DENND11: variants seen among roughly 807,000 people sequenced by gnomAD.
DENND11 encodes DENN domain-containing protein 11.
In DENND11, 34 loss-of-function variants were observed where a neutral mutation model predicts 49.2. The ratio of observed to expected loss-of-function variants is 0.69; its 90% CI spans 0.53 to 0.92. The LOEUF is 0.92. Ranked by LOEUF, DENND11 falls within the 40% of genes least tolerant of loss-of-function variation. DENND11 has a pLI of 0.00. For missense variants in DENND11, 475 were observed against 581.6 expected, an observed-to-expected ratio of 0.82 and a Z score of 1.88; for synonymous variants, 238 against 230.3, an observed-to-expected ratio of 1.03 and a Z score of -0.30.
At chr7:141,677,070 C>T (rs1295895007) in intron 3 of DENND11, among the ~76,000 whole-genome samples, 1 of 152,152 alleles carries the variant, frequency 6.6e-6, no homozygotes, top group East Asian at 1.9e-4. Flanking sequence ...AATTCATCCA[C>T]GATCAGAATC....
At chr7:141,669,649 G>C (rs942896563) in intron 4 of DENND11, among the ~76,000 whole-genome samples, 1 of 151,722 alleles carries the variant, frequency 6.6e-6, no homozygotes, top group South Asian at 2.1e-4. Context: ...TCAATAAAAA[G>C]CTTAAAGATA....
chr7:141,668,179 G>C (rs929762940), intron 4 of DENND11, among the ~76,000 whole-genome samples: 1 of 152,178 alleles, frequency 6.6e-6, no homozygotes, highest in Non-Finnish European at 1.5e-5. Flanking sequence ...GCCTGACAGA[G>C]CCATGATGGG....
intron 1 of DENND11, among the ~76,000 whole-genome samples, chr7:141,692,994 A>T (rs956412705): frequency 1.3e-5 from 2 of 152,250 alleles, no homozygotes; most frequent in Non-Finnish European, 2.9e-5. Flanking sequence ...CAATTCATGA[A>T]GGAAAAATGG....
At chr7:141,679,194 GTCTCT>G (rs1014503227) in intron 3 of DENND11, among the ~76,000 whole-genome samples, 4 of 152,118 alleles carry the variant, frequency 2.6e-5, no homozygotes, top group Non-Finnish European at 5.9e-5. Flanking sequence ...TGTCATACAA[GTCTCT>G]TCTCTTATGT....
intron 3 of DENND11, among the ~76,000 whole-genome samples, chr7:141,677,704 T>C (rs1293746472): frequency 6.6e-6 from 1 of 151,670 alleles, no homozygotes; most frequent in Non-Finnish European, 1.5e-5. Flanking sequence ...ATGATTCTCC[T>C]TCTCGGAGTG....
chr7:141,672,535 T>G (rs922192218), intron 4 of DENND11, among the ~76,000 whole-genome samples: 2 of 152,136 alleles, frequency 1.3e-5, no homozygotes, highest in African/African-American at 4.8e-5. Context: ...CCTCAAGAAA[T>G]TCGATCCTGC....
At position 141,662,803 on chromosome 7, in the gene DENND11, C is replaced by T; in HGVS notation, c.1221G>A (p.Val407=). The T allele has an allele frequency of 6.3e-7, 1 of 1,594,616 alleles. No individual in the cohort carries two copies. The highest frequency in any genetic ancestry group is 8.5e-7 in the Non-Finnish European group (1 of 1,170,014). Residue 407 remains valine, a synonymous_variant, in exon 9 of 9, where the codon GTG becomes GTA. Coordinates refer to ENST00000536163, the MANE Select transcript of DENND11 (RefSeq NM_001080392.2). ...TCAGAGTTTTGTCTTGACTGGCAGA[C>T]ACCTCCAACAAAGTCTGAAATATCC... ...NNRIFQTLLE[V]SASQDKTLTA... is the part of the protein sequence containing the mutation.
chr7:141,683,721 A>G (rs1798185690), intron 3 of DENND11, among the ~76,000 whole-genome samples: 1 of 152,198 alleles, frequency 6.6e-6, no homozygotes, highest in Admixed American at 6.5e-5. Flanking sequence ...GACAGACTCT[A>G]TAGGTATCTG....
intron 4 of DENND11, among the ~76,000 whole-genome samples, chr7:141,670,507 G>A (rs1797964719): frequency 6.6e-6 from 1 of 152,158 alleles, no homozygotes; most frequent in Admixed American, 6.5e-5. Context: ...CATTGTATGA[G>A]GTATTATAAG....
rs376094683 is a variant in DENND11, at chr7:141,681,287, G to A, written c.527+4191C>T. 9.5e-4 allele frequency among the ~76,000 whole-genome samples: 144 copies of A among 152,236 alleles called. 1 individual carries two copies. The highest frequency in any genetic ancestry group is 5.8e-4 in the East Asian group (3 of 5,180). ...AACTGGCTGGTTTGCAAGGAAAAAC[G>A]GAATAAAATACAGCCTACTAAGGGT... On this transcript the variant is annotated intron_variant, in intron 3 of 8. Coordinates refer to ENST00000536163, the MANE Select transcript of DENND11 (RefSeq NM_001080392.2).
In DENND11 at chr7:141,665,335, G is replaced by A. The variant is rs200054333; in HGVS notation, c.821-17C>T. The A allele has an allele frequency of 1.5e-4, 234 of 1,613,626 alleles. No homozygotes were observed. The African/African-American group carries it at 2.7e-3, about 19-fold the overall frequency. ...AGCAGTACACTGTGGGGATAGAGGA[G>A]GTGAGCGGGGAGGGTCTGCCCCTCC... is the stretch of plus-strand genomic sequence containing the variant. On this transcript the variant is annotated splice_polypyrimidine_tract_variant and intron_variant, in intron 5 of 8. Transcript: ENST00000536163.
intron 1 of DENND11, among the ~76,000 whole-genome samples, chr7:141,697,128 A>G (rs1798426579): frequency 6.6e-6 from 1 of 152,166 alleles, no homozygotes; most frequent in African/African-American, 2.4e-5. Flanking sequence ...CCCTAACTTT[A>G]GACAACTTAA....
chr7:141,685,029 AATATATATAT>A (rs1167922771), intron 3 of DENND11, among the ~76,000 whole-genome samples: 320 of 91,424 alleles, frequency 3.5e-3, no homozygotes, highest in African/African-American at 8.6e-3. Flanking sequence ...AAAAAAAAAA[AATATATATAT>A]ATATATATAT....
chr7:141,686,174 A>C (rs1211944860), intron 2 of DENND11, among the ~76,000 whole-genome samples: 1 of 152,164 alleles, frequency 6.6e-6, no homozygotes, highest in African/African-American at 2.4e-5. Flanking sequence ...TGAATGCCCC[A>C]CTACACAGGA....
At chr7:141,684,746 A>C (rs1173834341) in intron 3 of DENND11, among the ~76,000 whole-genome samples, 1 of 152,118 alleles carries the variant, frequency 6.6e-6, no homozygotes, top group Non-Finnish European at 1.5e-5. Flanking sequence ...CATACACAGA[A>C]AAGAAGTGGT....
chr7:141,701,825 C>T lies in DENND11; in HGVS notation c.268+61G>A, dbSNP rs1798525325. Reference sequence around the variant, plus strand: ...GCGCGCAGCGAGCCCCTCCCCCGCGCCCCCAAAGCTCGGGGGCACCCCGAC... The same window carrying T: ...GCGCGCAGCGAGCCCCTCCCCCGCGTCCCCAAAGCTCGGGGGCACCCCGAC... On this transcript the variant is annotated intron_variant, in intron 1 of 8. Transcript: ENST00000536163. 4.4e-6 allele frequency: 5 copies of T among 1,137,572 alleles called. No homozygotes were observed. In the South Asian group the frequency reaches 1.3e-4, roughly 29 times the overall value. 70.5% of individuals were successfully genotyped at this position (1,137,572 alleles called of 1,614,324 possible). A position where few individuals can be genotyped will look rare whatever the true frequency, so the allele number is the denominator to read the frequency against.
chr7:141,685,659 T>C (rs372586728), intron 2 of DENND11, 23 bp from the exon 3 acceptor site: 3 of 1,612,400 alleles, frequency 1.9e-6, no homozygotes, highest in Non-Finnish European at 2.5e-6. Flanking sequence ...AAATACGTAG[T>C]GTGGCTCAAG....
intron 4 of DENND11, among the ~76,000 whole-genome samples, chr7:141,666,753 A>G (rs1197077182): frequency 2.0e-5 from 3 of 152,236 alleles, no homozygotes; most frequent in Admixed American, 2.0e-4. Context: ...AAGAAAACTC[A>G]ACTCGAAAAC....
chr7:141,677,234 T>A (rs1036244658), intron 3 of DENND11, among the ~76,000 whole-genome samples: 9 of 151,908 alleles, frequency 5.9e-5, no homozygotes, highest in East Asian at 3.9e-4. Context: ...GAGACCAGCC[T>A]GGCCAACATG....
Sources: allele counts gnomAD v4.1 joint callset (sites outside exome capture counted in the v4.1 genomes callset), GRCh38; gene constraint gnomAD v4.1.1; transcripts MANE v1.5; gene names NCBI Gene and HGNC (gene_info 2026-07-23, HGNC 2026-07-21).